PTPRD: variants seen among roughly 807,000 people sequenced by gnomAD.
The protein encoded by PTPRD is protein tyrosine phosphatase receptor type D, also known as receptor-type tyrosine-protein phosphatase delta.
PTPRD carries 34 observed loss-of-function variants against 214.5 expected under a neutral mutation model. The ratio of observed to expected loss-of-function variants is 0.16; its 90% CI spans 0.12 to 0.21. The LOEUF (loss-of-function observed/expected upper bound fraction) is 0.21. PTPRD is among the 10% of genes least tolerant of loss of function. PTPRD has a pLI of 1.00. For synonymous variants in PTPRD, 1,128 were observed against 845.7 expected, an observed-to-expected ratio of 1.33 and a Z score of -5.79; for missense variants, 2,545 against 2,398.7, an observed-to-expected ratio of 1.06 and a Z score of -1.27.
chr9:10,179,761 C>T (rs1237304888), intron 3 of PTPRD, among the ~76,000 whole-genome samples: 4 of 151,888 alleles, frequency 2.6e-5, no homozygotes, highest in African/African-American at 9.7e-5. Context: ...ACTAACTTGC[C>T]CAGGGTTAGT....
At chr9:8,412,732 AT>A (rs2093627764) in intron 35 of PTPRD, among the ~76,000 whole-genome samples, 1 of 152,210 alleles carries the variant, frequency 6.6e-6, no homozygotes, top group Non-Finnish European at 1.5e-5. Context: ...ATACTGAAGT[AT>A]AAAACTGAGG....
chr9:9,868,083 C>A (rs1408719385), intron 5 of PTPRD, among the ~76,000 whole-genome samples: 1 of 152,138 alleles, frequency 6.6e-6, no homozygotes, highest in Non-Finnish European at 1.5e-5. Context: ...GTGCCTACAG[C>A]CCACAGGTGC....
At chr9:10,160,038 T>A (rs1018690928) in intron 3 of PTPRD, among the ~76,000 whole-genome samples, 1 of 151,950 alleles carries the variant, frequency 6.6e-6, no homozygotes. Flanking sequence ...TTGAAAGTCA[T>A]AGAGTGGCTG....
In PTPRD at chr9:8,510,943, T is replaced by C. The variant is rs143469970; in HGVS notation, c.1544-3509A>G. Among the ~76,000 whole-genome samples the C allele has an allele frequency of 2.9e-3, 435 of 152,294 alleles. 4 individuals are homozygous for C. The highest frequency in any genetic ancestry group is 9.7e-3 in the African/African-American group (403 of 41,572). ...TGGGACTACTTTCATTATCTGTCTA[T>C]TGAATTTTTATACCAAATATTGGGT... On this transcript the variant is annotated intron_variant, in intron 21 of 45. Transcript: ENST00000381196.
In PTPRD at chr9:8,636,833, A is replaced by G. The variant is rs768367170; in HGVS notation, c.76T>C (p.Phe26Leu). The change falls in exon 13 of 46, where the codon TTT becomes CTT. Residue 26 changes from phenylalanine (F) to leucine (L), a missense_variant. By Grantham distance (22) the Phe-to-Leu change is conservative. Transcript: ENST00000381196. ...LRTDAETPPR[F>L]TRTPVDQTGV... ...GTCTGATCAACGGGTGTTCGTGTAAACCTTGGAGGTGCTGAAATAAAAAAT... is the reference window on the plus strand; with the variant it reads ...GTCTGATCAACGGGTGTTCGTGTAAGCCTTGGAGGTGCTGAAATAAAAAAT... The G allele has an allele frequency of 6.2e-7, 1 of 1,612,864 alleles. No homozygotes were observed. The highest frequency in any genetic ancestry group is 1.7e-5 in the Admixed American group (1 of 59,922).
chr9:9,669,904 A>T (rs2096794954), intron 7 of PTPRD, among the ~76,000 whole-genome samples: 2 of 152,184 alleles, frequency 1.3e-5, no homozygotes, highest in African/African-American at 4.8e-5. Flanking sequence ...GCACCCAATG[A>T]CATCAACGAC....
intron 4 of PTPRD, among the ~76,000 whole-genome samples, chr9:9,990,234 C>T (rs1414011767): frequency 6.6e-6 from 1 of 152,154 alleles, no homozygotes; most frequent in Non-Finnish European, 1.5e-5. Flanking sequence ...TCAGGTTTTC[C>T]TATGGTATCT....
intron 2 of PTPRD, among the ~76,000 whole-genome samples, chr9:10,523,717 T>G (rs2134305325): frequency 6.8e-6 from 1 of 147,748 alleles, no homozygotes; most frequent in African/African-American, 2.5e-5. Flanking sequence ...AGGTGAAATT[T>G]TACATAAATG....
intron 14 of PTPRD, among the ~76,000 whole-genome samples, chr9:8,542,733 G>A (rs184134835): frequency 1.3e-5 from 2 of 152,346 alleles, no homozygotes; most frequent in East Asian, 3.9e-4. Context: ...GGCTCGTAGA[G>A]CAAGCCGTTT....
chr9:8,449,693 T>G (rs942702928), intron 34 of PTPRD, 32 bp downstream of exon 34: 3 of 1,588,298 alleles, frequency 1.9e-6, no homozygotes, highest in Non-Finnish European at 1.7e-6. Context: ...TGGGAAAGAC[T>G]GTGTGTGGAT....
At chr9:8,534,687 T>C (rs1279593298) in intron 14 of PTPRD, among the ~76,000 whole-genome samples, 5 of 151,680 alleles carry the variant, frequency 3.3e-5, no homozygotes, top group Non-Finnish European at 5.9e-5. Flanking sequence ...ATATAATACA[T>C]ATATGGACTT....
chr9:10,084,307 G>C (rs1332313417), intron 3 of PTPRD, among the ~76,000 whole-genome samples: 1 of 151,908 alleles, frequency 6.6e-6, no homozygotes, highest in African/African-American at 2.4e-5. Context: ...CTTCTGTAAT[G>C]TTAGTTACTA....
At chr9:10,611,906 C>T (rs2081081938) in intron 2 of PTPRD, among the ~76,000 whole-genome samples, 1 of 14,546 alleles carries the variant, frequency 6.9e-5, no homozygotes, top group Non-Finnish European at 1.7e-4. Context: ...CCCTTTTCCG[C>T]CCCCCCCCCC....
At chr9:10,547,539 C>G (rs2060420819) in intron 2 of PTPRD, among the ~76,000 whole-genome samples, 1 of 151,908 alleles carries the variant, frequency 6.6e-6, no homozygotes, top group African/African-American at 2.4e-5. Context: ...ATCTCATTCC[C>G]CTCTTCCCTG....
At chr9:9,587,973 T>C (rs955284715) in intron 7 of PTPRD, among the ~76,000 whole-genome samples, 83 of 152,120 alleles carry the variant, frequency 5.5e-4, no homozygotes, top group African/African-American at 2.0e-3. Flanking sequence ...CAGTATTTTG[T>C]ATACTTCAAA....
chr9:8,872,779 C>T (rs1188691710), intron 11 of PTPRD, among the ~76,000 whole-genome samples: 1 of 152,170 alleles, frequency 6.6e-6, no homozygotes, highest in Non-Finnish European at 1.5e-5. Context: ...ACAAATTTTT[C>T]AGTACAGGAG....
chr9:10,096,290 T>C (rs117942917), intron 3 of PTPRD, among the ~76,000 whole-genome samples: 2 of 151,832 alleles, frequency 1.3e-5, no homozygotes, highest in East Asian at 2.0e-4. Flanking sequence ...ACTGAATCTG[T>C]AGAACAACCA....
At chr9:9,186,725 T>C (rs1413302122) in intron 9 of PTPRD, among the ~76,000 whole-genome samples, 3 of 151,882 alleles carry the variant, frequency 2.0e-5, no homozygotes, top group Admixed American at 1.3e-4. Context: ...ATGGGAAGTT[T>C]TGAAGGCTCC....
chr9:9,024,106 T>C (rs753143596), intron 10 of PTPRD, among the ~76,000 whole-genome samples: 10 of 151,868 alleles, frequency 6.6e-5, no homozygotes, highest in Non-Finnish European at 1.2e-4. Context: ...ACAGCTGCTC[T>C]TGACTTTTGG....
Sources: gnomAD v4.1 joint callset for allele counts (sites outside exome capture counted in the v4.1 genomes callset) on GRCh38, gnomAD v4.1.1 for gene constraint, MANE v1.5 for transcripts, NCBI Gene and HGNC (gene_info 2026-07-23, HGNC 2026-07-21) for gene names.